The following PROS1 variants were observed in gnomAD, a reference collection of about 807,000 sequenced individuals.
PROS1 encodes the protein vitamin K-dependent protein S.
Under a neutral mutation model 75.9 loss-of-function variants are expected in PROS1, and 29 were observed. The ratio of observed to expected loss-of-function variants is 0.38; its 90% confidence interval spans 0.28 to 0.52. The LOEUF (loss-of-function observed/expected upper bound fraction) is 0.52, where lower values mean the gene tolerates loss of function less well. PROS1 is among the 20% of genes least tolerant of loss of function. PROS1 has a pLI of 0.83. For missense variants in PROS1, 680 were observed against 810.3 expected (o/e 0.84, Z 1.95); for synonymous variants, 245 against 280.6 (o/e 0.87, Z 1.27).
chr3:93,972,321 A>C (rs1301883027), intron 1 of PROS1, among the ~76,000 whole-genome samples: 1 of 152,240 alleles, frequency 6.6e-6, no homozygotes, highest in Non-Finnish European at 1.5e-5. Context: ...GTTTAATGTA[A>C]GATCAAAAAA....
intron 3 of PROS1, among the ~76,000 whole-genome samples, chr3:93,921,890 T>A (rs781254958): frequency 6.6e-6 from 1 of 152,210 alleles, no homozygotes; most frequent in Non-Finnish European, 1.5e-5. Flanking sequence ...CACTTATTTC[T>A]ATCTCTGTTT....
intron 1 of PROS1, among the ~76,000 whole-genome samples, chr3:93,940,239 G>T (rs773478539): frequency 6.6e-6 from 1 of 152,128 alleles, no homozygotes; most frequent in Non-Finnish European, 1.5e-5. Flanking sequence ...CTCTCGGATT[G>T]ACGCCTTCCC....
chr3:93,965,431 G>T (rs188534505), intron 1 of PROS1, among the ~76,000 whole-genome samples: 1 of 152,292 alleles, frequency 6.6e-6, no homozygotes, highest in African/African-American at 2.4e-5. Flanking sequence ...TAAGTGCCCG[G>T]GTTTGTCCTA....
chr3:93,928,826 A>G (rs1167611947), intron 1 of PROS1: 2 of 923,874 alleles, frequency 2.2e-6, no homozygotes, highest in Non-Finnish European at 3.1e-6. Flanking sequence ...AAACAATCAT[A>G]TAAACCATCA....
At chr3:93,899,175 G>C (rs1005641027) in intron 7 of PROS1, among the ~76,000 whole-genome samples, 9 of 151,046 alleles carry the variant, frequency 6.0e-5, no homozygotes, top group East Asian at 1.9e-4. Flanking sequence ...AAACCTCACT[G>C]TGATGTAATC....
chr3:93,910,981 G>T, intron 3 of PROS1: 1 of 398,244 alleles, frequency 2.5e-6, no homozygotes, highest in Non-Finnish European at 4.6e-6. Flanking sequence ...AAAAAACCTT[G>T]ATTTAGCATA....
chr3:93,927,428 A>G, intron 1 of PROS1, 21 bp from the exon 2 acceptor site: 1 of 1,609,746 alleles, frequency 6.2e-7, no homozygotes, highest in Non-Finnish European at 8.5e-7. Context: ...CAATCAGTTT[A>G]TATGAATTAA....
intron 1 of PROS1, among the ~76,000 whole-genome samples, chr3:93,961,618 T>G (rs542053725): frequency 6.6e-6 from 1 of 152,320 alleles, no homozygotes; most frequent in Admixed American, 6.5e-5. Context: ...CCTATGCAAC[T>G]GTGAGATAAT....
At chr3:93,931,398 A>T (rs1709103076) in intron 1 of PROS1, among the ~76,000 whole-genome samples, 1 of 152,220 alleles carries the variant, frequency 6.6e-6, no homozygotes, top group African/African-American at 2.4e-5. Context: ...ATTAGTTTAG[A>T]TATAATTACT....
chr3:93,917,829 A>G (rs1379228568), intron 3 of PROS1, among the ~76,000 whole-genome samples: 3 of 152,122 alleles, frequency 2.0e-5, no homozygotes, highest in African/African-American at 7.2e-5. Context: ...CCTGCAGGGC[A>G]GGGTTCGGGA....
chr3:93,972,669 T>C (rs2107277292), intron 1 of PROS1, among the ~76,000 whole-genome samples: 1 of 146,818 alleles, frequency 6.8e-6, no homozygotes, highest in Admixed American at 6.9e-5. Flanking sequence ...TGAAACCCCG[T>C]CTCTAGTAAA....
At chr3:93,922,387 T>C (rs184146818) in intron 3 of PROS1, among the ~76,000 whole-genome samples, 2 of 152,362 alleles carry the variant, frequency 1.3e-5, no homozygotes, top group African/African-American at 2.4e-5. Flanking sequence ...TAGGTGATAC[T>C]AGGCCTATGG....
chr3:93,900,902 C>G lies in PROS1; in HGVS notation c.629G>C (p.Ser210Thr), dbSNP rs140490120. ...CTTGCACACAGCTGTGCCACAAATG[C>G]TTGGCTTCAAAGAGCATTCATCCAC... ...KDVDECSLKP[S>T]ICGTAVCKNI... The change falls in exon 7 of 15, where the codon AGC becomes ACC. Residue 210 changes from serine (S) to threonine (T), a missense_variant. Coordinates refer to ENST00000394236, the MANE Select transcript of PROS1 (RefSeq NM_000313.4). 2.1e-5 allele frequency: 34 copies of G among 1,614,000 alleles called. No individual in the cohort carries two copies. In the African/African-American group the frequency reaches 3.6e-4, roughly 17 times the overall value.
chr3:93,923,086 TGGATC>T (rs931683729), intron 3 of PROS1, among the ~76,000 whole-genome samples: 10 of 152,230 alleles, frequency 6.6e-5, no homozygotes, highest in Non-Finnish European at 1.5e-4. Flanking sequence ...GGTCTGAGCC[TGGATC>T]CCACATCTTG....
At chr3:93,950,559 C>T (rs1709479615) in intron 1 of PROS1, among the ~76,000 whole-genome samples, 1 of 152,162 alleles carries the variant, frequency 6.6e-6, no homozygotes, top group Admixed American at 6.5e-5. Flanking sequence ...ACTGGTGATA[C>T]CCAGGAAAAT....
chr3:93,970,502 A>AT (rs199518160), intron 1 of PROS1, among the ~76,000 whole-genome samples: 13 of 148,152 alleles, frequency 8.8e-5, no homozygotes, highest in African/African-American at 1.2e-4. Context: ...CATCCGGCTA[A>AT]TTTTTTTTTT....
intron 10 of PROS1, among the ~76,000 whole-genome samples, chr3:93,887,620 C>G (rs776832147): frequency 2.6e-5 from 4 of 152,200 alleles, no homozygotes; most frequent in Admixed American, 6.5e-5. Flanking sequence ...GGTCAACACT[C>G]CTTCTTTAAT....
chr3:93,893,360 C>T (rs918676350), intron 9 of PROS1, among the ~76,000 whole-genome samples: 1 of 151,940 alleles, frequency 6.6e-6, no homozygotes, highest in Non-Finnish European at 1.5e-5. Flanking sequence ...AATCTTTTCC[C>T]CAGGGAACAG....
chr3:93,911,534 G>A (rs1425293186), intron 3 of PROS1, among the ~76,000 whole-genome samples: 2 of 152,116 alleles, frequency 1.3e-5, no homozygotes, highest in Non-Finnish European at 2.9e-5. Flanking sequence ...TGATTTGCGG[G>A]TCAAATATTT....
Sources: allele counts gnomAD v4.1 joint callset (sites outside exome capture counted in the v4.1 genomes callset), GRCh38; gene constraint gnomAD v4.1.1; transcripts MANE v1.5; gene names NCBI Gene and HGNC (gene_info 2026-07-23, HGNC 2026-07-21).